CNTN5: variants seen among roughly 807,000 people sequenced by gnomAD.
The protein encoded by CNTN5 is contactin 5.
Under a neutral mutation model 129.1 loss-of-function variants are expected in CNTN5, and 77 were observed. The observed-to-expected ratio is 0.60, with a 90% CI of 0.50 to 0.72. The LOEUF (loss-of-function observed/expected upper bound fraction) is 0.72. Among genes scored for constraint, CNTN5 ranks in the 30% least tolerant of loss-of-function variants. The probability of loss-of-function intolerance (pLI) is 0.00; values close to 1 mark genes in which losing one functional copy is unlikely to be tolerated. For missense variants in CNTN5, 1,478 were observed against 1,328.8 expected (o/e 1.11, Z -1.75); for synonymous variants, 509 against 465.6 (o/e 1.09, Z -1.20).
intron 15 of CNTN5, among the ~76,000 whole-genome samples, chr11:100,195,462 GTAT>G (rs1406560419): frequency 6.6e-6 from 1 of 151,872 alleles, no homozygotes; most frequent in Non-Finnish European, 1.5e-5. Flanking sequence ...AACATCTGCT[GTAT>G]TCTTCTTTGC....
intron 1 of CNTN5, among the ~76,000 whole-genome samples, chr11:99,076,896 A>G (rs1027197010): frequency 7.2e-5 from 11 of 152,144 alleles, no homozygotes; most frequent in African/African-American, 2.6e-4. Flanking sequence ...CTCATTGTGT[A>G]TTTTCATTTC....
chr11:99,287,426 G>A (rs1863984057), intron 1 of CNTN5, among the ~76,000 whole-genome samples: 1 of 152,008 alleles, frequency 6.6e-6, no homozygotes, highest in Admixed American at 6.6e-5. Context: ...TTATAAGACT[G>A]TCTCCTATTA....
chr11:99,083,308 C>G (rs1413913148), intron 1 of CNTN5, among the ~76,000 whole-genome samples: 3 of 152,110 alleles, frequency 2.0e-5, no homozygotes. Flanking sequence ...CATGTGTCCT[C>G]TCTTCTAAGC....
In CNTN5 at chr11:99,054,245, G is replaced by A. The variant is rs138843265; in HGVS notation, c.-210+32975G>A. Reference sequence around the variant, plus strand: ...TTCATGACAAACCTGGTAATCTGGTGTTTCCTGAAGGGCTGGGTGGCTGTT... The same window carrying A: ...TTCATGACAAACCTGGTAATCTGGTATTTCCTGAAGGGCTGGGTGGCTGTT... On this transcript the variant is annotated intron_variant, in intron 1 of 24. Coordinates refer to ENST00000524871, the MANE Select transcript of CNTN5 (RefSeq NM_014361.4). 9.2e-5 allele frequency among the ~76,000 whole-genome samples: 14 copies of A among 151,842 alleles called. No homozygotes were observed. In the East Asian group the frequency reaches 2.5e-3, roughly 27 times the overall value.
intron 7 of CNTN5, among the ~76,000 whole-genome samples, chr11:99,955,332 T>C (rs1467017043): frequency 6.6e-6 from 1 of 151,804 alleles, no homozygotes; most frequent in African/African-American, 2.4e-5. Flanking sequence ...CTTTATGGAG[T>C]TCCTTCATTC....
intron 17 of CNTN5, among the ~76,000 whole-genome samples, chr11:100,270,297 T>G (rs1950386251): frequency 6.6e-6 from 1 of 152,146 alleles, no homozygotes; most frequent in Non-Finnish European, 1.5e-5. Flanking sequence ...AGTCCTCAAA[T>G]CAAAATCCCC....
In CNTN5 at chr11:100,355,460, C is replaced by T. The variant is rs1432965859; in HGVS notation, c.3200-657C>T. Among the ~76,000 whole-genome samples the T allele has an allele frequency of 3.3e-5, 5 of 151,838 alleles. No homozygotes were observed. In the East Asian group the frequency reaches 9.7e-4, roughly 29 times the overall value. ...CTGTTATTCTGTAAGTAGGAGTACA[C>T]TAAAATAATTACTAAAAGAATAGTA... On this transcript the variant is annotated intron_variant, in intron 24 of 24. Coordinates refer to ENST00000524871, the MANE Select transcript of CNTN5 (RefSeq NM_014361.4).
chr11:99,738,554 A>G (rs563633135), intron 3 of CNTN5, among the ~76,000 whole-genome samples: 10 of 152,200 alleles, frequency 6.6e-5, no homozygotes, highest in Non-Finnish European at 1.3e-4. Context: ...GAAAGTGCTG[A>G]AAGCAGAAAA....
chr11:99,456,330 G>A (rs572162898), intron 2 of CNTN5, among the ~76,000 whole-genome samples: 14 of 152,098 alleles, frequency 9.2e-5, no homozygotes, highest in African/African-American at 2.9e-4. Flanking sequence ...GGTTCACCCT[G>A]ACAAAAATTG....
At chr11:100,181,607 G>A (rs111876290) in intron 13 of CNTN5, among the ~76,000 whole-genome samples, 30 of 151,842 alleles carry the variant, frequency 2.0e-4, no homozygotes, top group Admixed American at 9.2e-4. Context: ...AGATGAACGC[G>A]TATAAAAATA....
At chr11:99,629,687 T>C (rs1207684984) in intron 3 of CNTN5, among the ~76,000 whole-genome samples, 1 of 151,806 alleles carries the variant, frequency 6.6e-6, no homozygotes, top group Non-Finnish European at 1.5e-5. Context: ...TACTACTCGA[T>C]GTTTATGTAA....
intron 2 of CNTN5, among the ~76,000 whole-genome samples, chr11:99,504,456 G>A (rs550199689): frequency 1.4e-5 from 2 of 147,820 alleles, no homozygotes; most frequent in African/African-American, 2.5e-5. Context: ...TAGGAGAATC[G>A]CTTGAACCCG....
At chr11:99,971,985 C>T (rs1288419864) in intron 8 of CNTN5, among the ~76,000 whole-genome samples, 1 of 149,178 alleles carries the variant, frequency 6.7e-6, no homozygotes, top group Non-Finnish European at 1.5e-5. Context: ...AGCGGTGGCT[C>T]ACGCCTGTAA....
At chr11:99,395,955 A>G (rs1320687231) in intron 2 of CNTN5, among the ~76,000 whole-genome samples, 7 of 151,928 alleles carry the variant, frequency 4.6e-5, no homozygotes, top group Non-Finnish European at 1.0e-4. Context: ...GGCCTGCAGT[A>G]TAGTTTGAAG....
At chr11:100,083,754 G>C (rs959159601) in intron 13 of CNTN5, among the ~76,000 whole-genome samples, 3 of 152,042 alleles carry the variant, frequency 2.0e-5, no homozygotes, top group Admixed American at 1.3e-4. Context: ...CTTAAACACA[G>C]AAGATCAGAA....
chr11:100,197,153 C>T (rs1219483025), intron 15 of CNTN5, among the ~76,000 whole-genome samples: 1 of 151,844 alleles, frequency 6.6e-6, no homozygotes, highest in Non-Finnish European at 1.5e-5. Context: ...GCACGTTGGG[C>T]AAACAAAGAA....
chr11:99,216,234 G>A (rs1324022164), intron 1 of CNTN5, among the ~76,000 whole-genome samples: 4 of 152,034 alleles, frequency 2.6e-5, no homozygotes, highest in Admixed American at 6.6e-5. Context: ...CCACATATAA[G>A]TGAGAACGTG....
At chr11:99,057,898 A>T (rs2135199124) in intron 1 of CNTN5, among the ~76,000 whole-genome samples, 1 of 151,826 alleles carries the variant, frequency 6.6e-6, no homozygotes, top group East Asian at 1.9e-4. Context: ...TTTTATCTAG[A>T]GTTGCCATAG....
chr11:99,983,496 A>C (rs1192476809), intron 8 of CNTN5, among the ~76,000 whole-genome samples: 1 of 132,382 alleles, frequency 7.6e-6, no homozygotes, highest in East Asian at 4.0e-4. Flanking sequence ...AGAGTCCTTT[A>C]ATTAGTATTG....
Sources: allele counts gnomAD v4.1 joint callset (sites outside exome capture counted in the v4.1 genomes callset), GRCh38; gene constraint gnomAD v4.1.1; transcripts MANE v1.5; gene names NCBI Gene and HGNC (gene_info 2026-07-23, HGNC 2026-07-21).